Variants in NLGN4Y observed in about 807,000 individuals in gnomAD.
NLGN4Y encodes neuroligin 4 Y-linked.
A neutral mutation model predicts 8.4 loss-of-function variants in NLGN4Y; 4 were observed. The ratio of observed to expected loss-of-function variants is 0.48; its 90% CI spans 0.23 to 1.09. NLGN4Y has a LOEUF of 1.09. Ranked by LOEUF, NLGN4Y falls within the 50% of genes least tolerant of loss-of-function variation. The pLI, the probability that NLGN4Y is intolerant of heterozygous loss-of-function variation, is 0.19. For synonymous variants in NLGN4Y, 35 were observed against 75.6 expected, an observed-to-expected ratio of 0.46 and a Z score of 2.78; for missense variants, 90 against 192.3, an observed-to-expected ratio of 0.47 and a Z score of 3.15.
chrY:14,800,931 G>A (rs2043028014), intron 4 of NLGN4Y, among the ~76,000 whole-genome samples: 1 of 31,487 alleles, frequency 3.2e-5, no homozygotes, highest in Non-Finnish European at 7.7e-5. Flanking sequence ...TATGTGTACT[G>A]GATTTAAAAT....
At chrY:14,578,297 AAAC>A in intron 1 of NLGN4Y, among the ~76,000 whole-genome samples, 1 of 32,480 alleles carries the variant, frequency 3.1e-5, no homozygotes, top group Non-Finnish European at 7.5e-5. Flanking sequence ...CAGGCTTAGG[AAAC>A]AACATCAGGG....
intron 2 of NLGN4Y, among the ~76,000 whole-genome samples, chrY:14,693,788 G>C (rs2080818700): frequency 6.2e-5 from 2 of 32,074 alleles, no homozygotes; most frequent in African/African-American, 2.5e-4. Flanking sequence ...TGATGGTACT[G>C]TTGGCTGAAT....
chrY:14,778,081 A>G (rs1013573186), intron 4 of NLGN4Y, among the ~76,000 whole-genome samples: 10 of 31,492 alleles, frequency 3.2e-4, no homozygotes, highest in African/African-American at 7.4e-4. Context: ...ATAAATAACT[A>G]TGTATGTTCT....
chrY:14,682,170 G>T lies in NLGN4Y; in HGVS notation c.473-37289G>T, dbSNP rs1603502666. Among the ~76,000 whole-genome samples, 3 of 33,532 alleles carry T rather than the reference G, an allele frequency of 8.9e-5. No homozygotes were observed. In the East Asian group the frequency reaches 2.4e-3, roughly 27 times the overall value. The allele number at this position is 33,532 out of a possible 37,273, so 90.0% of individuals were successfully genotyped here. ...GAAGCAGTGATAACATCTAACGTGG[G>T]TTATGAGGATCTCTGAGATGGAGTG... On this transcript the variant is annotated intron_variant, in intron 2 of 6. Coordinates refer to ENST00000684976, the MANE Select transcript of NLGN4Y (RefSeq NM_001365588.1).
In NLGN4Y at chrY:14,574,140, C is replaced by G. The variant is rs1603500142; in HGVS notation, c.-111-47869C>G. 1.2e-4 allele frequency among the ~76,000 whole-genome samples: 4 copies of G among 32,851 alleles called. No homozygotes were observed. In the East Asian group the frequency reaches 3.2e-3, roughly 27 times the overall value. 88.1% of individuals were successfully genotyped at this position (32,851 alleles called of 37,273 possible). Reference sequence around the variant, plus strand: ...ACTTGGTACAGAGGTGTGTTCAGTTCCTGGATATCCTGTTTAGTTTCTGTG... The same window carrying G: ...ACTTGGTACAGAGGTGTGTTCAGTTGCTGGATATCCTGTTTAGTTTCTGTG... On this transcript the variant is annotated intron_variant, in intron 1 of 6. Transcript: ENST00000684976.
chrY:14,621,081 GT>G lies in NLGN4Y; in HGVS notation c.-111-914del, dbSNP rs577020169. 2.6e-3 allele frequency among the ~76,000 whole-genome samples: 71 copies of G among 27,596 alleles called. No homozygotes were observed. In the East Asian group the frequency reaches 0.026, roughly 10 times the overall value. The allele number at this position is 27,596 out of a possible 37,273, so 74.0% of individuals were successfully genotyped here. Reference sequence around the variant, plus strand: ...TACTTGAAATGCACCATCTTGTACAGTTTTTTTTTTTTTTACAAGAAACTGA... The same window carrying G: ...TACTTGAAATGCACCATCTTGTACAGTTTTTTTTTTTTTACAAGAAACTGA... On this transcript the variant is annotated intron_variant, in intron 1 of 6. Transcript: ENST00000684976.
At chrY:14,766,215 C>G in intron 4 of NLGN4Y, among the ~76,000 whole-genome samples, 1 of 33,298 alleles carries the variant, frequency 3.0e-5, no homozygotes, top group Non-Finnish European at 7.5e-5. Flanking sequence ...AACCTTTTTA[C>G]TACCAAAACA....
intron 1 of NLGN4Y, among the ~76,000 whole-genome samples, chrY:14,605,585 G>C: frequency 3.0e-5 from 1 of 32,872 alleles, no homozygotes; most frequent in Non-Finnish European, 7.4e-5. Flanking sequence ...TCTCCATACT[G>C]TTTTACACAA....
chrY:14,636,571 G>C, intron 2 of NLGN4Y, among the ~76,000 whole-genome samples: 2 of 33,475 alleles, frequency 6.0e-5, no homozygotes, highest in Admixed American at 5.6e-4. Flanking sequence ...GCTAAAATCA[G>C]ATAATAATGG....
At chrY:14,610,978 T>TTTTGA (rs2080465887) in intron 1 of NLGN4Y, among the ~76,000 whole-genome samples, 1 of 33,298 alleles carries the variant, frequency 3.0e-5, no homozygotes, top group African/African-American at 1.2e-4. Flanking sequence ...TTTGATGCCC[T>TTTTGA]TCTTTGTCTC....
At chrY:14,633,033 T>C (rs2150512394) in intron 2 of NLGN4Y, among the ~76,000 whole-genome samples, 14 of 33,889 alleles carry the variant, frequency 4.1e-4, no homozygotes, top group African/African-American at 1.6e-3. Context: ...ACATGAATTT[T>C]AATTCAATTT....
intron 1 of NLGN4Y, among the ~76,000 whole-genome samples, chrY:14,547,780 G>A (rs951251175): frequency 4.8e-4 from 16 of 33,606 alleles, no homozygotes; most frequent in Non-Finnish European, 1.2e-3. Flanking sequence ...ATAGAATACA[G>A]AAGATTAGTG....
intron 2 of NLGN4Y, among the ~76,000 whole-genome samples, chrY:14,653,936 C>A (rs2080639950): frequency 2.9e-5 from 1 of 34,162 alleles, no homozygotes; most frequent in Non-Finnish European, 7.3e-5. Flanking sequence ...CCTGCCTTGT[C>A]CTCCCAAAGT....
chrY:14,806,947 C>T (rs775582799), intron 4 of NLGN4Y, among the ~76,000 whole-genome samples: 8 of 33,049 alleles, frequency 2.4e-4, no homozygotes, highest in Non-Finnish European at 4.5e-4. Context: ...TGTCTTCTGG[C>T]TTAGAAAAGG....
chrY:14,763,314 G>T (rs2081085747), intron 4 of NLGN4Y, among the ~76,000 whole-genome samples: 1 of 32,947 alleles, frequency 3.0e-5, no homozygotes, highest in Admixed American at 2.8e-4. Flanking sequence ...CTTAAGCCAA[G>T]AGATTTTCCC....
intron 4 of NLGN4Y, among the ~76,000 whole-genome samples, chrY:14,794,292 C>T (rs945562126): frequency 3.0e-5 from 1 of 33,220 alleles, no homozygotes; most frequent in Admixed American, 2.8e-4. Flanking sequence ...TAAACCTGCC[C>T]AAAGGGTAAC....
intron 4 of NLGN4Y, among the ~76,000 whole-genome samples, chrY:14,733,894 C>T (rs765269421): frequency 1.5e-4 from 5 of 33,065 alleles, no homozygotes; most frequent in African/African-American, 5.9e-4. Flanking sequence ...GTGTTTGCTA[C>T]CCTGGAAGCC....
At chrY:14,689,181 A>T (rs2150536377) in intron 2 of NLGN4Y, among the ~76,000 whole-genome samples, 1 of 31,192 alleles carries the variant, frequency 3.2e-5, no homozygotes, top group South Asian at 7.0e-4. Flanking sequence ...ACTCAGGCTG[A>T]TATAGAAGAC....
intron 2 of NLGN4Y, among the ~76,000 whole-genome samples, chrY:14,690,435 T>C (rs929481801): frequency 4.8e-4 from 16 of 33,163 alleles, no homozygotes; most frequent in Admixed American, 1.4e-3. Flanking sequence ...AAATATTTGA[T>C]TTTTTGTTGA....
Sources: gnomAD v4.1 joint callset for allele counts (sites outside exome capture counted in the v4.1 genomes callset) on GRCh38, gnomAD v4.1.1 for gene constraint, MANE v1.5 for transcripts, NCBI Gene and HGNC (gene_info 2026-07-23, HGNC 2026-07-21) for gene names.